BTBD1: variants seen among roughly 807,000 people sequenced by gnomAD.
BTBD1 encodes the protein BTB/POZ domain-containing protein 1.
BTBD1 carries 34 observed loss-of-function variants against 48.0 expected under a neutral mutation model. The ratio of observed to expected loss-of-function variants is 0.71; its 90% CI spans 0.54 to 0.94. The LOEUF is 0.94. Ranked by LOEUF, BTBD1 falls within the 40% of genes least tolerant of loss-of-function variation. BTBD1 has a pLI of 0.00. For missense variants in BTBD1, 543 were observed against 625.6 expected (o/e 0.87, Z 1.41); for synonymous variants, 261 against 242.1 (o/e 1.08, Z -0.72).
At position 83,051,875 on chromosome 15, in the gene BTBD1, T is replaced by TACACACAC. The variant is rs1187803458; in HGVS notation, c.559-1698_559-1697insGTGTGTGT. On this transcript the variant is annotated intron_variant, in intron 2 of 7. Coordinates refer to ENST00000261721, the MANE Select transcript of BTBD1 (RefSeq NM_025238.4). ...CATTTATTAATTTTTTTTCCATATATATACACACACACACACACACACACA... is the reference window on the plus strand; with the variant it reads ...CATTTATTAATTTTTTTTCCATATATACACACACATACACACACACACACACACACACA... 2.2e-3 allele frequency among the ~76,000 whole-genome samples: 96 copies of TACACACAC among 43,730 alleles called. 2 individuals carry two copies. Among genetic ancestry groups the TACACACAC allele is most frequent in the Admixed American group, 0.014 (43 of 2,968 alleles). 28.7% of individuals were successfully genotyped at this position (43,730 alleles called of 152,430 possible).
At chr15:83,021,735 C>A (rs1013630798) in intron 5 of BTBD1, among the ~76,000 whole-genome samples, 3 of 89,812 alleles carry the variant, frequency 3.3e-5, no homozygotes, top group Non-Finnish European at 5.1e-5. Flanking sequence ...GAGCGAGACT[C>A]CTTCTCAAAT....
intron 3 of BTBD1, among the ~76,000 whole-genome samples, chr15:83,046,656 CTA>C (rs10536710): frequency 0.42 from 63,116 of 151,742 alleles, 13,629 homozygotes; most frequent in Middle Eastern, 0.52. Flanking sequence ...CATCTGACAG[CTA>C]CCCTAACAGG....
chr15:83,018,604 CCT>C lies in BTBD1; in HGVS notation c.1290+101_1290+102del, dbSNP rs1272285422. The C allele has an allele frequency of 5.3e-6, 7 of 1,313,796 alleles. No homozygotes were observed. The Admixed American group carries it at 7.8e-5, about 15-fold the overall frequency. The allele number at this position is 1,313,796 out of a possible 1,614,324, so 81.4% of individuals were successfully genotyped here. ...TTTTAGCTCCCAGCTTCTTTTCCCC[CCT>C]CTTTATAAATGGCTCAGCTGTCAGT... On this transcript the variant is annotated intron_variant, in intron 7 of 7. Transcript: ENST00000261721.
intron 6 of BTBD1, among the ~76,000 whole-genome samples, chr15:83,019,382 G>A (rs1041490959): frequency 6.6e-6 from 1 of 151,032 alleles, no homozygotes; most frequent in Non-Finnish European, 1.5e-5. Flanking sequence ...GTAGAGATGG[G>A]ATCGTGTTCT....
chr15:83,021,223 G>A (rs1005190664), intron 5 of BTBD1, among the ~76,000 whole-genome samples: 2 of 152,212 alleles, frequency 1.3e-5, no homozygotes, highest in Admixed American at 1.3e-4. Context: ...TGTGCATACA[G>A]TCTAATGGAG....
intron 4 of BTBD1, among the ~76,000 whole-genome samples, chr15:83,034,931 C>G (rs746835313): frequency 7.9e-5 from 12 of 152,076 alleles, no homozygotes; most frequent in Non-Finnish European, 1.2e-4. Context: ...AGATACAGGA[C>G]TATTCAGGTT....
intron 4 of BTBD1, among the ~76,000 whole-genome samples, chr15:83,030,990 G>A (rs1273398464): frequency 3.3e-5 from 5 of 152,130 alleles, no homozygotes; most frequent in African/African-American, 1.2e-4. Flanking sequence ...CTATACATAC[G>A]TGTGCATGTG....
chr15:83,044,764 T>G (rs2151308136), intron 3 of BTBD1: 1 of 1,439,920 alleles, frequency 6.9e-7, no homozygotes, highest in Non-Finnish European at 9.6e-7. Flanking sequence ...TATGAAAAAG[T>G]AGAATAAAAA....
At chr15:83,056,692 CATCCATTCATCT>C (rs2033091756) in intron 1 of BTBD1, 147 bp from the exon 2 acceptor site, 1 of 597,652 alleles carries the variant, frequency 1.7e-6, no homozygotes, top group African/African-American at 2.2e-5. Context: ...CCCACCCAGC[CATCCATTCATCT>C]ATCCATCCAT....
intron 5 of BTBD1, among the ~76,000 whole-genome samples, chr15:83,028,141 T>C (rs1033972946): frequency 6.6e-6 from 1 of 152,128 alleles, no homozygotes; most frequent in African/African-American, 2.4e-5. Context: ...TAGCAAATAA[T>C]CAATCAGAAT....
At chr15:83,052,251 G>C (rs1415077958) in intron 2 of BTBD1, among the ~76,000 whole-genome samples, 1 of 151,954 alleles carries the variant, frequency 6.6e-6, no homozygotes. Flanking sequence ...CTTGGTTTTT[G>C]TATTTTTTAA....
chr15:83,040,864 C>A (rs1178191549), intron 4 of BTBD1, among the ~76,000 whole-genome samples: 1 of 151,722 alleles, frequency 6.6e-6, no homozygotes, highest in African/African-American at 2.4e-5. Flanking sequence ...TCAGAAGCAT[C>A]GACCTTAAGA....
At chr15:83,032,298 G>A (rs1365455948) in intron 4 of BTBD1, among the ~76,000 whole-genome samples, 1 of 151,528 alleles carries the variant, frequency 6.6e-6, no homozygotes, top group African/African-American at 2.4e-5. Context: ...TCCAGCCTGG[G>A]CAACACAGCG....
intron 2 of BTBD1, among the ~76,000 whole-genome samples, chr15:83,055,067 T>C (rs770729294): frequency 6.6e-6 from 1 of 152,190 alleles, no homozygotes; most frequent in Non-Finnish European, 1.5e-5. Flanking sequence ...TTTATCACCT[T>C]AGAATTTTAA....
Position 83,023,615 on chromosome 15 carries a change from G to A in BTBD1, c.1056-2853C>T, listed in dbSNP as rs550904668. Among the ~76,000 whole-genome samples the A allele has an allele frequency of 2.6e-5, 3 of 115,812 alleles. No homozygotes were observed. In the East Asian group the frequency reaches 5.9e-4, roughly 23 times the overall value. The allele number at this position is 115,812 out of a possible 152,430, so 76.0% of individuals were successfully genotyped here. A position where few individuals can be genotyped will look rare whatever the true frequency, so the allele number is the denominator to read the frequency against. On this transcript the variant is annotated intron_variant, in intron 5 of 7. Transcript: ENST00000261721. ...TGCCAAGGCTGATCTTGAACTCCTG[G>A]GCTCAAGTAAGTGATCCTCCTGCCT...
chr15:83,025,508 C>T (rs1172412981), intron 5 of BTBD1, among the ~76,000 whole-genome samples: 1 of 151,868 alleles, frequency 6.6e-6, no homozygotes, highest in African/African-American at 2.4e-5. Context: ...CAAACTTTTC[C>T]AGTTCTTCAT....
rs1166874208 is a variant in BTBD1 at position 83,067,035 on chromosome 15, G to A, written c.117C>T (p.Pro39=). 1 of 1,582,230 alleles carries A rather than the reference G, an allele frequency of 6.3e-7. No homozygotes were observed. The highest frequency in any genetic ancestry group is 1.1e-5 in the South Asian group (1 of 88,446). ...PSPSSLGPLL[P]LQREPLYNWQ... ...AGTTGTAGAGAGGTTCCCGCTGCAG[G>A]GGGAGCAGGGGCCCCAGAGAGGACG... is the stretch of plus-strand genomic sequence containing the variant. The change falls in exon 1 of 8, where the codon CCC becomes CCT. Residue 39 remains proline (P), a synonymous_variant. Coordinates refer to ENST00000261721, the MANE Select transcript of BTBD1 (RefSeq NM_025238.4).
chr15:83,025,357 C>CAAAA (rs767479917), intron 5 of BTBD1, among the ~76,000 whole-genome samples: 221 of 64,064 alleles, frequency 3.4e-3, no homozygotes, highest in East Asian at 7.6e-3. Context: ...GACTCCATCA[C>CAAAA]AAAAAAAAAA....
In BTBD1 at chr15:83,061,384, T is replaced by C. The variant is rs573326062; in HGVS notation, c.402-4839A>G. On this transcript the variant is annotated intron_variant, in intron 1 of 7. Coordinates refer to ENST00000261721, the MANE Select transcript of BTBD1 (RefSeq NM_025238.4). The stretch of plus-strand genomic sequence containing the variant: ...TGGTACTGAAATGATTAAAAAGTAA[T>C]GTCCTAATAACAGAAGTATATATTA... The C allele has an allele frequency of 2.6e-5, 4 of 152,330 alleles. No homozygotes were observed. The South Asian group carries it at 8.3e-4, about 32-fold the overall frequency. The allele number at this position is 152,330 out of a possible 1,614,324, so 9.4% of individuals were successfully genotyped here.
Sources: allele counts gnomAD v4.1 joint callset (sites outside exome capture counted in the v4.1 genomes callset), GRCh38; gene constraint gnomAD v4.1.1; transcripts MANE v1.5; gene names NCBI Gene and HGNC (gene_info 2026-07-23, HGNC 2026-07-21).